ACACA: variants seen among roughly 807,000 people sequenced by gnomAD.
The protein encoded by ACACA is acetyl-CoA carboxylase alpha, also known as acetyl-CoA carboxylase 1.
In ACACA, 103 loss-of-function variants were observed where a neutral mutation model predicts 296.1. The ratio of observed to expected loss-of-function variants is 0.35; its 90% CI spans 0.30 to 0.41. ACACA has a LOEUF of 0.41. ACACA is among the 10% of genes least tolerant of loss of function. The probability of loss-of-function intolerance (pLI) is 1.00; values close to 1 mark genes in which losing one functional copy is unlikely to be tolerated. For synonymous variants in ACACA, 953 were observed against 1,038.6 expected (o/e 0.92, Z 1.58); for missense variants, 1,554 against 2,989.7 (o/e 0.52, Z 11.20).
chr17:37,154,168 A>C (rs1044789731), intron 43 of ACACA, among the ~76,000 whole-genome samples: 1 of 152,108 alleles, frequency 6.6e-6, no homozygotes, highest in Non-Finnish European at 1.5e-5. Context: ...TTAGCTGGGC[A>C]TGATGGCACC....
At chr17:37,386,272 A>G (rs920776632) in intron 1 of ACACA, 13 of 598,538 alleles carry the variant, frequency 2.2e-5, no homozygotes, top group Middle Eastern at 8.8e-4. Flanking sequence ...ACATTGAAAA[A>G]TCATTCAATT....
At chr17:37,323,429 T>C (rs907710621) in intron 3 of ACACA, among the ~76,000 whole-genome samples, 5 of 152,182 alleles carry the variant, frequency 3.3e-5, no homozygotes, top group African/African-American at 7.2e-5. Context: ...ACCCCATCTC[T>C]AAAAAAATTT....
chr17:37,144,724 T>TA (rs537635974), intron 45 of ACACA, among the ~76,000 whole-genome samples: 6 of 152,286 alleles, frequency 3.9e-5, no homozygotes, highest in African/African-American at 1.2e-4. Flanking sequence ...CTAATGGCCC[T>TA]AGTCATACCC....
chr17:37,171,815 A>G (rs1297741686), intron 41 of ACACA, among the ~76,000 whole-genome samples: 2 of 152,250 alleles, frequency 1.3e-5, no homozygotes, highest in Non-Finnish European at 2.9e-5. Flanking sequence ...GTAATTTTAC[A>G]CATGTACACA....
At chr17:37,333,947 A>G (rs551875390) in intron 2 of ACACA, among the ~76,000 whole-genome samples, 1 of 151,960 alleles carries the variant, frequency 6.6e-6, no homozygotes, top group East Asian at 1.9e-4. Flanking sequence ...CGTTCATGAA[A>G]TAATTCCCAG....
Position 37,086,956 on chromosome 17 carries a change from C to T in ACACA, c.*360G>A. The T allele has an allele frequency of 2.8e-6, 1 of 360,040 alleles. No individual in the cohort carries two copies. Among genetic ancestry groups the T allele is most frequent in the South Asian group, 2.5e-5 (1 of 40,622 alleles). 22.3% of individuals were successfully genotyped at this position (360,040 alleles called of 1,614,324 possible). ...CTGCTGGGCAACTCCTCACGCTTCC[C>T]CATGCTGGGAGGCCAAGGGGCTGTC... is the stretch of plus-strand genomic sequence containing the variant. On this transcript the variant is annotated 3_prime_UTR_variant, in exon 56 of 56. Coordinates refer to ENST00000616317, the MANE Select transcript of ACACA (RefSeq NM_198834.3).
chr17:37,366,742 C>A (rs948052204), intron 1 of ACACA, among the ~76,000 whole-genome samples: 2 of 151,908 alleles, frequency 1.3e-5, no homozygotes, highest in African/African-American at 4.8e-5. Context: ...GCTGGGATTA[C>A]ACACGTGAGC....
chr17:37,232,951 C>T (rs918329900), intron 25 of ACACA, among the ~76,000 whole-genome samples: 19 of 152,218 alleles, frequency 1.2e-4, no homozygotes, highest in Non-Finnish European at 4.4e-5. Flanking sequence ...TCTGAAACAG[C>T]TCTTTTCCCT....
intron 2 of ACACA, among the ~76,000 whole-genome samples, chr17:37,334,235 C>A (rs909469681): frequency 7.9e-5 from 12 of 152,262 alleles, no homozygotes; most frequent in Admixed American, 7.8e-4. Context: ...ATACAAAATG[C>A]TGTATGGACG....
At chr17:37,207,098 T>C (rs184466069) in intron 31 of ACACA, among the ~76,000 whole-genome samples, 83 of 152,358 alleles carry the variant, frequency 5.4e-4, no homozygotes, top group Non-Finnish European at 2.6e-4. Context: ...TATATATTTT[T>C]TCTTTTTTAG....
chr17:37,358,939 C>T lies in ACACA; in HGVS notation c.39-19089G>A, dbSNP rs963025595. ...CGGCCCCCTGCCTGCCGCCGCCCCT[C>T]CCTTGGCCCCAGTTTCTCCAGGTCC... is the stretch of plus-strand genomic sequence containing the variant. On this transcript the variant is annotated intron_variant, in intron 1 of 55. Coordinates refer to ENST00000616317, the MANE Select transcript of ACACA (RefSeq NM_198834.3). 4 of 986,310 alleles carry T rather than the reference C, an allele frequency of 4.1e-6. No individual in the cohort carries two copies. The Admixed American group carries it at 1.8e-4, about 45-fold the overall frequency. The allele number at this position is 986,310 out of a possible 1,614,324, so 61.1% of individuals were successfully genotyped here. A position where few individuals can be genotyped will look rare whatever the true frequency, so the allele number is the denominator to read the frequency against.
At chr17:37,249,324 T>G (rs1445867976) in intron 16 of ACACA, among the ~76,000 whole-genome samples, 1 of 152,242 alleles carries the variant, frequency 6.6e-6, no homozygotes, top group Non-Finnish European at 1.5e-5. Flanking sequence ...TGAATGTGGC[T>G]GTGCAAGTAT....
At chr17:37,191,302 T>C in intron 37 of ACACA, 27 bp from the exon 38 acceptor site, 2 of 1,605,004 alleles carry the variant, frequency 1.2e-6, no homozygotes, top group Non-Finnish European at 1.7e-6. Flanking sequence ...TAATCAACAT[T>C]AATGTAGTTT....
intron 25 of ACACA, among the ~76,000 whole-genome samples, chr17:37,232,208 C>T (rs558961293): frequency 6.6e-6 from 1 of 152,270 alleles, no homozygotes; most frequent in South Asian, 2.1e-4. Context: ...ACCTCCCTCC[C>T]TGTAGGTTCA....
rs562828562 is a variant in ACACA, at chr17:37,374,592, T to C, written c.38+31670A>G. On this transcript the variant is annotated intron_variant, in intron 1 of 55. Transcript: ENST00000616317. ...GTGAGCCACCGCGCCCGGCCCTTCA[T>C]TCTCTTTTATGCTCCATCTATCTAT... Among the ~76,000 whole-genome samples, 5 of 152,214 alleles carry C rather than the reference T, an allele frequency of 3.3e-5. No individual in the cohort carries two copies. The South Asian group carries it at 1.0e-3, about 32-fold the overall frequency.
intron 1 of ACACA, among the ~76,000 whole-genome samples, chr17:37,350,348 C>CA (rs199521054): frequency 0.015 from 2,050 of 138,530 alleles, 26 homozygotes; most frequent in African/African-American, 0.046. Flanking sequence ...AAAAAAAAAC[C>CA]AAAAAAAAAA....
intron 1 of ACACA, among the ~76,000 whole-genome samples, chr17:37,355,799 G>A (rs913668235): frequency 3.3e-5 from 5 of 151,258 alleles, no homozygotes; most frequent in Non-Finnish European, 7.4e-5. Flanking sequence ...CGGAGGTTGC[G>A]GTGAACCGAG....
rs1449550363 is a variant in ACACA, at chr17:37,260,274, ATATATATATATATATATATATATTTT to A, written c.1330-770_1330-745del. The stretch of plus-strand genomic sequence containing the variant: ...CATATATATATATATATATATATAT[ATATATATATATATATATATATATTTT>A]TTTTTTTTTTTTTTTTGGAGATGGA... On this transcript the variant is annotated intron_variant, in intron 11 of 55. Transcript: ENST00000616317. 4.6e-3 allele frequency among the ~76,000 whole-genome samples: 127 copies of A among 27,840 alleles called. 7 individuals carry two copies. The highest frequency in any genetic ancestry group is 0.025 in the African/African-American group (121 of 4,800). The allele number at this position is 27,840 out of a possible 152,430, so 18.3% of individuals were successfully genotyped here.
chr17:37,200,697 A>G (rs1237346746), intron 33 of ACACA, among the ~76,000 whole-genome samples: 3 of 152,238 alleles, frequency 2.0e-5, no homozygotes, highest in Non-Finnish European at 1.5e-5. Flanking sequence ...GATTTGGACA[A>G]AACTGAAAGA....
Sources: gnomAD v4.1 joint callset for allele counts (sites outside exome capture counted in the v4.1 genomes callset) on GRCh38, gnomAD v4.1.1 for gene constraint, MANE v1.5 for transcripts, NCBI Gene and HGNC (gene_info 2026-07-23, HGNC 2026-07-21) for gene names.